ZNF280C: variants seen among roughly 807,000 people sequenced by gnomAD.
ZNF280C encodes the protein zinc finger protein 280C.
Under a neutral mutation model 53.6 loss-of-function variants are expected in ZNF280C, and 14 were observed. That is an observed-to-expected ratio of 0.26 (90% CI 0.17 to 0.41). The LOEUF is 0.41. ZNF280C is among the 10% of genes least tolerant of loss of function. The pLI, the probability that ZNF280C is intolerant of heterozygous loss-of-function variation, is 1.00. For missense variants in ZNF280C, 416 were observed against 547.1 expected, an observed-to-expected ratio of 0.76 and a Z score of 2.39; for synonymous variants, 203 against 181.1, an observed-to-expected ratio of 1.12 and a Z score of -0.97.
intron 8 of ZNF280C, among the ~76,000 whole-genome samples, chrX:130,234,087 G>T (rs919933793): frequency 9.0e-6 from 1 of 111,434 alleles, no homozygotes; most frequent in Non-Finnish European, 1.9e-5. Context: ...ATATACATGG[G>T]TTTAACTCAA....
At chrX:130,242,009 G>GGGA (rs1300233983) in intron 5 of ZNF280C, among the ~76,000 whole-genome samples, 3 of 87,692 alleles carry the variant, frequency 3.4e-5, no homozygotes, top group Admixed American at 1.3e-4. Context: ...CCGGGGGGGG[G>GGGA]CGGGTGGCAG....
intron 2 of ZNF280C, among the ~76,000 whole-genome samples, chrX:130,254,955 T>C (rs2032550562): frequency 9.7e-6 from 1 of 102,804 alleles, no homozygotes; most frequent in Admixed American, 1.1e-4. Flanking sequence ...CAAGAGACAA[T>C]AATAGGATAT....
At chrX:130,243,455 G>A in intron 5 of ZNF280C, 108 bp downstream of exon 5, 1 of 919,281 alleles carries the variant, frequency 1.1e-6, no homozygotes, top group Non-Finnish European at 1.5e-6. Flanking sequence ...AAGTACCAAA[G>A]ATTACAGGCG....
At chrX:130,228,860 G>T (rs1371955196) in intron 10 of ZNF280C, 117 bp downstream of exon 10, 4 of 650,618 alleles carry the variant, frequency 6.1e-6, no homozygotes, top group Non-Finnish European at 9.0e-6. Flanking sequence ...TTTCAATTTT[G>T]CCCTCATATT....
chrX:130,230,795 G>C lies in ZNF280C; in HGVS notation c.772-68C>G, dbSNP rs143292050. The C allele has an allele frequency of 2.3e-4, 166 of 726,821 alleles. No individual in the cohort carries two copies. In the African/African-American group the frequency reaches 2.9e-3, roughly 13 times the overall value. The allele number at this position is 726,821 out of a possible 1,213,427, so 59.9% of individuals were successfully genotyped here. ...AAAGATTAGATACCAAAAAATGATT[G>C]TGTTTACATCTAAGGTCAGATGATA... On this transcript the variant is annotated intron_variant, in intron 8 of 18. Coordinates refer to ENST00000370978, the MANE Select transcript of ZNF280C (RefSeq NM_017666.5).
At chrX:130,240,733 TTTC>T (rs2032382106) in intron 5 of ZNF280C, among the ~76,000 whole-genome samples, 2 of 111,829 alleles carry the variant, frequency 1.8e-5, no homozygotes. Flanking sequence ...CAATTGGGAA[TTTC>T]TTATGTCTCA....
chrX:130,213,707 T>C (rs749522390), intron 15 of ZNF280C, among the ~76,000 whole-genome samples: 7 of 111,256 alleles, frequency 6.3e-5, no homozygotes, highest in African/African-American at 2.3e-4. Context: ...AAGTATTGTC[T>C]ACAATGAGGT....
intron 5 of ZNF280C, among the ~76,000 whole-genome samples, chrX:130,243,334 C>T (rs1216831869): frequency 9.0e-6 from 1 of 111,456 alleles, no homozygotes; most frequent in African/African-American, 3.3e-5. Flanking sequence ...AGGTGGTGCA[C>T]CACTATGCCC....
At position 130,208,641 on chromosome X, in the gene ZNF280C, C is replaced by G. The variant is rs1302754685; in HGVS notation, c.2042+1012G>C. Among the ~76,000 whole-genome samples the G allele has an allele frequency of 2.9e-4, 32 of 111,263 alleles. No homozygotes were observed. In the East Asian group the frequency reaches 5.9e-3, roughly 20 times the overall value. On this transcript the variant is annotated intron_variant, in intron 16 of 18. Transcript: ENST00000370978. Reference sequence around the variant, plus strand: ...AAGCATTTTTCAGTAAAGGTAACACCTAATATATTTTACTCTTTTCTAATT... The same window carrying G: ...AAGCATTTTTCAGTAAAGGTAACACGTAATATATTTTACTCTTTTCTAATT...
At chrX:130,219,922 A>G (rs897923219) in intron 13 of ZNF280C, among the ~76,000 whole-genome samples, 21 of 111,293 alleles carry the variant, frequency 1.9e-4, no homozygotes, top group African/African-American at 4.6e-4. Context: ...CTTTACAAGC[A>G]TAAGAATGAT....
At chrX:130,219,526 A>AT (rs1316102288) in intron 13 of ZNF280C, among the ~76,000 whole-genome samples, 1 of 105,892 alleles carries the variant, frequency 9.4e-6, no homozygotes, top group African/African-American at 3.4e-5. Flanking sequence ...CAGCGAAAAC[A>AT]TATGTATATA....
In ZNF280C at chrX:130,214,721, A is replaced by G. The variant is rs181335499; in HGVS notation, c.1979+472T>C. On this transcript the variant is annotated intron_variant, in intron 15 of 18. Coordinates refer to ENST00000370978, the MANE Select transcript of ZNF280C (RefSeq NM_017666.5). ...TAATACAATGTAACTGCTATTACAT[A>G]GTTTTATACTGTATTGTTTAGAGAA... Among the ~76,000 whole-genome samples the G allele has an allele frequency of 2.7e-5, 3 of 112,149 alleles. No homozygotes were observed. The East Asian group carries it at 8.4e-4, about 31-fold the overall frequency.
intron 15 of ZNF280C, among the ~76,000 whole-genome samples, chrX:130,211,425 TTCTCA>T (rs1354105964): frequency 8.9e-6 from 1 of 112,222 alleles, no homozygotes; most frequent in Admixed American, 9.4e-5. Flanking sequence ...AGGGCCTGTC[TTCTCA>T]TAAGAGTTGG....
chrX:130,258,555 A>G (rs150614045), intron 2 of ZNF280C, among the ~76,000 whole-genome samples: 1,147 of 112,464 alleles, frequency 0.01, 9 homozygotes, highest in Non-Finnish European at 0.016. Context: ...CAAAACAAAA[A>G]ATCTTCAAAT....
intron 2 of ZNF280C, among the ~76,000 whole-genome samples, chrX:130,248,925 T>A (rs2032477294): frequency 8.9e-6 from 1 of 111,991 alleles, no homozygotes; most frequent in African/African-American, 3.2e-5. Flanking sequence ...ATGTGCACCC[T>A]GCCCTGCCTG....
chrX:130,231,286 A>G (rs1247380142), intron 8 of ZNF280C, among the ~76,000 whole-genome samples: 1 of 111,870 alleles, frequency 8.9e-6, no homozygotes. Flanking sequence ...ACTATTCACA[A>G]TAGCGAAGAC....
chrX:130,260,496 T>C (rs747787365), intron 1 of ZNF280C, 31 bp from the exon 2 acceptor site: 3 of 1,110,301 alleles, frequency 2.7e-6, no homozygotes, highest in African/African-American at 1.8e-5. Flanking sequence ...TCAATCAATG[T>C]TATGAGTCAC....
chrX:130,248,497 C>CA (rs1352945138), intron 2 of ZNF280C, among the ~76,000 whole-genome samples: 1 of 111,486 alleles, frequency 9.0e-6, no homozygotes, highest in Non-Finnish European at 1.9e-5. Context: ...GTTGCAGGAA[C>CA]ATCTGTATTC....
At chrX:130,246,419 T>C (rs1214087295) in intron 3 of ZNF280C, among the ~76,000 whole-genome samples, 1 of 112,305 alleles carries the variant, frequency 8.9e-6, no homozygotes, top group Non-Finnish European at 1.9e-5. Flanking sequence ...GCTTAGACAT[T>C]AGAACCCCCA....
Sources: gnomAD v4.1 joint callset for allele counts (sites outside exome capture counted in the v4.1 genomes callset) on GRCh38, gnomAD v4.1.1 for gene constraint, MANE v1.5 for transcripts, NCBI Gene and HGNC (gene_info 2026-07-23, HGNC 2026-07-21) for gene names.